EPB41L4A: variants seen among roughly 807,000 people sequenced by gnomAD.
The protein encoded by EPB41L4A is erythrocyte membrane protein band 4.1 like 4A.
A neutral mutation model predicts 108.6 loss-of-function variants in EPB41L4A; 100 were observed. That is an observed-to-expected ratio of 0.92 (90% confidence interval 0.78 to 1.09). EPB41L4A has a LOEUF of 1.09. Among genes scored for constraint, EPB41L4A ranks in the 50% least tolerant of loss-of-function variants. The pLI is 0.00. For synonymous variants in EPB41L4A, 319 were observed against 289.0 expected (o/e 1.10, Z -1.05); for missense variants, 1,030 against 842.7 (o/e 1.22, Z -2.75).
At chr5:112,329,432 T>A (rs1215671601) in intron 1 of EPB41L4A, among the ~76,000 whole-genome samples, 1 of 152,210 alleles carries the variant, frequency 6.6e-6, no homozygotes, top group African/African-American at 2.4e-5. Flanking sequence ...ACTAATTCTC[T>A]TAATACAAAC....
At chr5:112,401,047 G>C (rs938003342) in intron 1 of EPB41L4A, among the ~76,000 whole-genome samples, 6 of 152,010 alleles carry the variant, frequency 3.9e-5, no homozygotes, top group African/African-American at 1.4e-4. Context: ...GTCCAAGAAA[G>C]AACAAACAGC....
chr5:112,232,888 G>T (rs933738252), intron 12 of EPB41L4A, among the ~76,000 whole-genome samples: 1 of 152,184 alleles, frequency 6.6e-6, no homozygotes, highest in African/African-American at 2.4e-5. Context: ...ATCTGTGAAA[G>T]GACACTGGAG....
chr5:112,346,557 A>G (rs1214826460), intron 1 of EPB41L4A, among the ~76,000 whole-genome samples: 3 of 152,150 alleles, frequency 2.0e-5, no homozygotes, highest in Admixed American at 1.3e-4. Context: ...ACCAAAAGTG[A>G]AAGAACTAAT....
chr5:112,199,087 G>A (rs1181110098), intron 15 of EPB41L4A, among the ~76,000 whole-genome samples: 1 of 152,160 alleles, frequency 6.6e-6, no homozygotes, highest in Non-Finnish European at 1.5e-5. Context: ...AGTAATATGA[G>A]GGCAGCCTCA....
In EPB41L4A at chr5:112,264,834, G is replaced by C. The variant is rs1038163488; in HGVS notation, c.554+62C>G. ...ATTTATCATTCTAGAAACTTTTCTT[G>C]TGAATATCAGAAGATGATGACTGAT... On this transcript the variant is annotated intron_variant, in intron 6 of 22. Coordinates refer to ENST00000261486, the MANE Select transcript of EPB41L4A (RefSeq NM_022140.5). 11 of 1,522,526 alleles carry C rather than the reference G, an allele frequency of 7.2e-6. No individual in the cohort carries two copies. The African/African-American group carries it at 1.1e-4, about 16-fold the overall frequency. The allele number at this position is 1,522,526 out of a possible 1,614,324, so 94.3% of individuals were successfully genotyped here.
intron 2 of EPB41L4A, among the ~76,000 whole-genome samples, chr5:112,282,710 G>C (rs764875681): frequency 6.6e-6 from 1 of 152,118 alleles, no homozygotes; most frequent in Non-Finnish European, 1.5e-5. Context: ...CACGCCCTAC[G>C]CTACACTTAC....
chr5:112,287,518 A>G lies in EPB41L4A; in HGVS notation c.205-7195T>C, dbSNP rs146352678. 1.8e-4 allele frequency among the ~76,000 whole-genome samples: 27 copies of G among 152,342 alleles called. No homozygotes were observed. In the East Asian group the frequency reaches 4.8e-3, roughly 27 times the overall value. On this transcript the variant is annotated intron_variant, in intron 2 of 22. Coordinates refer to ENST00000261486, the MANE Select transcript of EPB41L4A (RefSeq NM_022140.5). The stretch of plus-strand genomic sequence containing the variant: ...ATAGTATCCTTGAGTCTGCCCTTGC[A>G]GTTAGAGAAAATCATTTCAACACGG...
At chr5:112,375,667 T>C (rs1052760970) in intron 1 of EPB41L4A, among the ~76,000 whole-genome samples, 1 of 152,182 alleles carries the variant, frequency 6.6e-6, no homozygotes, top group Non-Finnish European at 1.5e-5. Context: ...GCCCTTGAGG[T>C]AGTTGCACTG....
intron 1 of EPB41L4A, among the ~76,000 whole-genome samples, chr5:112,357,634 T>A (rs890791413): frequency 6.6e-6 from 1 of 152,148 alleles, no homozygotes. Context: ...TGTGAAATCA[T>A]CCCAACAGAA....
At position 112,403,698 on chromosome 5, in the gene EPB41L4A, G is replaced by A. The variant is rs1359630671; in HGVS notation, c.99+15243C>T. Among the ~76,000 whole-genome samples, 3 of 152,082 alleles carry A rather than the reference G, an allele frequency of 2.0e-5. No homozygotes were observed. In the South Asian group the frequency reaches 6.2e-4, roughly 31 times the overall value. ...GTCCAACCTGGTCTCAAACTCCTGG[G>A]CTTAAATGATCCTCCCACCTCGGCC... On this transcript the variant is annotated intron_variant, in intron 1 of 22. Coordinates refer to ENST00000261486, the MANE Select transcript of EPB41L4A (RefSeq NM_022140.5).
intron 2 of EPB41L4A, among the ~76,000 whole-genome samples, chr5:112,283,992 A>G (rs1003175548): frequency 6.6e-6 from 1 of 152,230 alleles, no homozygotes; most frequent in Non-Finnish European, 1.5e-5. Flanking sequence ...AATCTGTATA[A>G]AGTACATGTC....
intron 1 of EPB41L4A, among the ~76,000 whole-genome samples, chr5:112,382,971 G>A (rs1760270765): frequency 6.6e-6 from 1 of 152,206 alleles, no homozygotes; most frequent in Non-Finnish European, 1.5e-5. Flanking sequence ...GAGCAAACAA[G>A]TTGTAAGAAG....
intron 2 of EPB41L4A, among the ~76,000 whole-genome samples, chr5:112,284,118 C>T (rs1372999134): frequency 6.6e-6 from 1 of 152,082 alleles, no homozygotes; most frequent in Non-Finnish European, 1.5e-5. Flanking sequence ...TGCCTAACAG[C>T]TAACAAATAC....
At chr5:112,259,487 C>G (rs1303677538) in intron 8 of EPB41L4A, among the ~76,000 whole-genome samples, 195 bp from the exon 9 acceptor site, 1 of 152,178 alleles carries the variant, frequency 6.6e-6, no homozygotes, top group Non-Finnish European at 1.5e-5. Context: ...CTATGCTTCT[C>G]CACTAAATGC....
intron 1 of EPB41L4A, among the ~76,000 whole-genome samples, chr5:112,373,538 T>C (rs1759625155): frequency 6.6e-6 from 1 of 152,282 alleles, no homozygotes; most frequent in Non-Finnish European, 1.5e-5. Flanking sequence ...ACACTTGTTA[T>C]GTGTCATGTG....
At chr5:112,311,423 G>A (rs1029449642) in intron 1 of EPB41L4A, among the ~76,000 whole-genome samples, 2 of 152,120 alleles carry the variant, frequency 1.3e-5, no homozygotes, top group African/African-American at 4.8e-5. Flanking sequence ...ACTATGAAAA[G>A]AATTTACTGA....
chr5:112,340,169 T>C (rs1289375152), intron 1 of EPB41L4A, among the ~76,000 whole-genome samples: 2 of 151,526 alleles, frequency 1.3e-5, no homozygotes, highest in Admixed American at 6.6e-5. Flanking sequence ...ATTGAGGGAG[T>C]GACGGAAGGA....
rs1178377244 is a variant in EPB41L4A, at chr5:112,168,826, G to A, written c.1851-6C>T. 1 of 1,612,380 alleles carries A rather than the reference G, an allele frequency of 6.2e-7. No individual in the cohort carries two copies. Among genetic ancestry groups the A allele is most frequent in the Admixed American group, 1.7e-5 (1 of 60,024 alleles). On this transcript the variant is annotated splice_region_variant and splice_polypyrimidine_tract_variant and intron_variant, in intron 21 of 22. Transcript: ENST00000261486. The stretch of plus-strand genomic sequence containing the variant: ...GTACAAGATCTGTTTTTGAACTGCA[G>A]AGAATGAGTTTTAGAATTAGTGACT...
intron 1 of EPB41L4A, among the ~76,000 whole-genome samples, chr5:112,359,565 G>A (rs868703309): frequency 7.5e-4 from 113 of 150,956 alleles, no homozygotes; most frequent in African/African-American, 2.6e-3. Flanking sequence ...TTTTGAGACG[G>A]AGTCTTGCTC....
Sources: allele counts gnomAD v4.1 joint callset (sites outside exome capture counted in the v4.1 genomes callset), GRCh38; gene constraint gnomAD v4.1.1; transcripts MANE v1.5; gene names NCBI Gene and HGNC (gene_info 2026-07-23, HGNC 2026-07-21).